Variants in GRIK1 observed in about 807,000 individuals in gnomAD.
GRIK1 encodes the protein glutamate receptor ionotropic, kainate 1.
In GRIK1, 69 loss-of-function variants were observed where a neutral mutation model predicts 105.7. The observed-to-expected ratio is 0.65, with a 90% confidence interval of 0.54 to 0.80. GRIK1 has a LOEUF of 0.80. GRIK1 is among the 30% of genes least tolerant of loss of function. The probability of loss-of-function intolerance (pLI) is 0.00; values close to 1 mark genes in which losing one functional copy is unlikely to be tolerated. For missense variants in GRIK1, 1,109 were observed against 1,167.3 expected, an observed-to-expected ratio of 0.95 and a Z score of 0.73; for synonymous variants, 438 against 431.3, an observed-to-expected ratio of 1.02 and a Z score of -0.19.
At chr21:29,856,113 G>T (rs2068455987) in intron 1 of GRIK1, among the ~76,000 whole-genome samples, 1 of 152,176 alleles carries the variant, frequency 6.6e-6, no homozygotes, top group African/African-American at 2.4e-5. Flanking sequence ...GTTGGAGCTA[G>T]TTGTGGATTG....
rs562916351 is a variant in GRIK1 at position 29,742,157 on chromosome 21, A to T, written c.119-48094T>A. Among the ~76,000 whole-genome samples the T allele has an allele frequency of 7.7e-4, 118 of 152,356 alleles. 1 individual carries two copies. The highest frequency in any genetic ancestry group is 6.8e-3 in the Middle Eastern group (2 of 294). On this transcript the variant is annotated intron_variant, in intron 1 of 17. Transcript: ENST00000327783. Reference sequence around the variant, plus strand: ...AGTCTTTGGATGCAAGATTTCCTTAAACAAAAATAGAATCATTCATGCAAA... The same window carrying T: ...AGTCTTTGGATGCAAGATTTCCTTATACAAAAATAGAATCATTCATGCAAA...
chr21:29,695,639 T>C (rs542118497), intron 1 of GRIK1, among the ~76,000 whole-genome samples: 70 of 152,230 alleles, frequency 4.6e-4, no homozygotes, highest in Non-Finnish European at 9.3e-4. Context: ...CATGACTGGC[T>C]AATTTTTGTA....
At chr21:29,928,159 C>A (rs1235438920) in intron 1 of GRIK1, among the ~76,000 whole-genome samples, 1 of 152,156 alleles carries the variant, frequency 6.6e-6, no homozygotes, top group Non-Finnish European at 1.5e-5. Context: ...CACAGATAAG[C>A]AAAAACATCC....
At chr21:29,772,928 A>G (rs1418130442) in intron 1 of GRIK1, among the ~76,000 whole-genome samples, 1 of 152,210 alleles carries the variant, frequency 6.6e-6, no homozygotes, top group Non-Finnish European at 1.5e-5. Flanking sequence ...GTCCTCAATT[A>G]AAATTTCTAA....
At chr21:29,838,576 C>A (rs924586143) in intron 1 of GRIK1, among the ~76,000 whole-genome samples, 1 of 152,158 alleles carries the variant, frequency 6.6e-6, no homozygotes, top group African/African-American at 2.4e-5. Context: ...TATTGCCTGC[C>A]TGCAAGACTT....
At chr21:29,553,245 CT>C in intron 16 of GRIK1, 1 of 1,004,364 alleles carries the variant, frequency 1.0e-6, no homozygotes, top group Non-Finnish European at 1.2e-6. Flanking sequence ...TCTGAATCTC[CT>C]TTTTCATGAA....
At chr21:29,690,031 AGG>A in intron 2 of GRIK1, 46 bp from the exon 3 acceptor site, 1 of 1,451,242 alleles carries the variant, frequency 6.9e-7, no homozygotes, top group African/African-American at 1.4e-5. Flanking sequence ...GGGCAGGGAA[AGG>A]GGGAGAGAAA....
intron 7 of GRIK1, 153 bp downstream of exon 7, chr21:29,642,673 T>A: frequency 1.5e-6 from 1 of 660,380 alleles, no homozygotes; most frequent in Non-Finnish European, 2.5e-6. Flanking sequence ...CTGGACAAAC[T>A]TTTGACACTG....
rs1491373479 is a variant in GRIK1 at position 29,560,400 on chromosome 21, C to CCTTCCTTCCTTCCTTCCTTTCTTT, written c.2356+1223_2356+1224insAAAGAAAGGAAGGAAGGAAGGAAG. Among the ~76,000 whole-genome samples, 13 of 67,120 alleles carry CCTTCCTTCCTTCCTTCCTTTCTTT rather than the reference C, an allele frequency of 1.9e-4. 1 individual carries two copies. Among genetic ancestry groups the CCTTCCTTCCTTCCTTCCTTTCTTT allele is most frequent in the East Asian group, 1.7e-3 (4 of 2,328 alleles). 44.0% of individuals were successfully genotyped at this position (67,120 alleles called of 152,430 possible). On this transcript the variant is annotated intron_variant, in intron 15 of 17. Coordinates refer to ENST00000327783, the MANE Select transcript of GRIK1 (RefSeq NM_001330994.2). Reference sequence around the variant, plus strand: ...TCCTTCCTTCCTTCCTTCCTTCCTTCCTTTCTTTCTTTCTTTCTTTCTTTC... The same window carrying CCTTCCTTCCTTCCTTCCTTTCTTT: ...TCCTTCCTTCCTTCCTTCCTTCCTTCCTTCCTTCCTTCCTTCCTTTCTTTCTTTCTTTCTTTCTTTCTTTCTTTC...
intron 4 of GRIK1, chr21:29,657,637 T>TG (rs1419647541): frequency 2.6e-5 from 4 of 152,220 alleles, no homozygotes; most frequent in African/African-American, 9.7e-5. Flanking sequence ...GTCCAGTCAT[T>TG]GATCATTGGC....
intron 1 of GRIK1, among the ~76,000 whole-genome samples, chr21:29,936,916 T>C (rs1417310313): frequency 1.3e-5 from 2 of 152,224 alleles, no homozygotes; most frequent in African/African-American, 2.4e-5. Context: ...TACTTTACTT[T>C]GAATATTTTA....
At chr21:29,782,689 A>G (rs1048050205) in intron 1 of GRIK1, among the ~76,000 whole-genome samples, 5 of 152,198 alleles carry the variant, frequency 3.3e-5, no homozygotes, top group Admixed American at 2.6e-4. Context: ...TTCCCCATGG[A>G]TACTACTCAG....
chr21:29,579,207 C>A (rs1315481798), intron 13 of GRIK1, among the ~76,000 whole-genome samples: 1 of 152,102 alleles, frequency 6.6e-6, no homozygotes, highest in Non-Finnish European at 1.5e-5. Context: ...ACATTTTAAA[C>A]CCTTGTTAGA....
intron 10 of GRIK1, among the ~76,000 whole-genome samples, chr21:29,589,995 G>C (rs1022220406): frequency 7.3e-5 from 11 of 151,582 alleles, no homozygotes; most frequent in African/African-American, 2.7e-4. Context: ...GCTTATATAC[G>C]TGCATCATCA....
intron 1 of GRIK1, among the ~76,000 whole-genome samples, chr21:29,820,520 G>T (rs1301807341): frequency 1.3e-5 from 2 of 152,016 alleles, no homozygotes; most frequent in East Asian, 3.9e-4. Flanking sequence ...GAGGAAAAAA[G>T]AGTACATGAC....
At chr21:29,665,865 C>T (rs2063049006) in intron 4 of GRIK1, among the ~76,000 whole-genome samples, 4 of 152,234 alleles carry the variant, frequency 2.6e-5, no homozygotes, top group Admixed American at 2.6e-4. Flanking sequence ...TCATTTTCCT[C>T]ATCTATGACA....
At chr21:29,539,468 TA>T (rs1035692252) in intron 16 of GRIK1, among the ~76,000 whole-genome samples, 4 of 152,168 alleles carry the variant, frequency 2.6e-5, no homozygotes, top group Non-Finnish European at 5.9e-5. Flanking sequence ...TATGGGCACT[TA>T]AAGTATGGTT....
At chr21:29,852,167 G>A (rs987426719) in intron 1 of GRIK1, among the ~76,000 whole-genome samples, 2 of 151,788 alleles carry the variant, frequency 1.3e-5, no homozygotes, top group Non-Finnish European at 2.9e-5. Flanking sequence ...TTTCCTTAAT[G>A]CTGCTTTGTC....
intron 14 of GRIK1, among the ~76,000 whole-genome samples, chr21:29,568,545 G>A (rs2090664352): frequency 6.6e-6 from 1 of 152,202 alleles, no homozygotes; most frequent in Non-Finnish European, 1.5e-5. Flanking sequence ...CTTTTATGAT[G>A]TTTTAAAACC....
Sources: gnomAD v4.1 joint callset for allele counts (sites outside exome capture counted in the v4.1 genomes callset) on GRCh38, gnomAD v4.1.1 for gene constraint, MANE v1.5 for transcripts, NCBI Gene and HGNC (gene_info 2026-07-23, HGNC 2026-07-21) for gene names.